AK4: variants seen among roughly 807,000 people sequenced by gnomAD.
AK4 encodes the protein adenylate kinase 4.
Under a neutral mutation model 24.6 loss-of-function variants are expected in AK4, and 13 were observed. That is an observed-to-expected ratio of 0.53 (90% CI 0.34 to 0.84). The LOEUF is 0.84. AK4 is among the 40% of genes least tolerant of loss of function. The pLI is 0.01. For synonymous variants in AK4, 88 were observed against 107.0 expected (o/e 0.82, Z 1.10); for missense variants, 192 against 288.2 (o/e 0.67, Z 2.42).
intron 1 of AK4, among the ~76,000 whole-genome samples, chr1:65,173,862 C>CA (rs11429425): frequency 0.35 from 48,667 of 140,632 alleles, 8,147 homozygotes; most frequent in East Asian, 0.53. Flanking sequence ...GACCCTGTCT[C>CA]AAAAAAAAAA....
intron 4 of AK4, among the ~76,000 whole-genome samples, chr1:65,225,617 A>G (rs1220739986): frequency 1.3e-5 from 2 of 152,208 alleles, no homozygotes; most frequent in East Asian, 3.8e-4. Flanking sequence ...CTCTGTTACA[A>G]TCACTTTCTG....
intron 1 of AK4, among the ~76,000 whole-genome samples, chr1:65,170,174 A>G (rs576454158): frequency 6.6e-6 from 1 of 152,240 alleles, no homozygotes; most frequent in East Asian, 1.9e-4. Context: ...CAGGAGATTG[A>G]GACCACGGTG....
Position 65,190,778 on chromosome 1 carries a change from C to T in AK4, c.214C>T (p.Leu72=). The change falls in exon 2 of 5, where the codon CTA becomes TTA. Residue 72 remains leucine, a synonymous_variant. Transcript: ENST00000327299. ...GGTTCCAGACCATGTGATCACACGC[C>T]TAATGATGTCCGAGTTGGAGAACAG... ...LLVPDHVITR[L]MMSELENRRG... is the part of the protein sequence containing the mutation. 6.2e-7 allele frequency: 1 copy of T among 1,614,104 alleles called. No homozygotes were observed. Among genetic ancestry groups the T allele is most frequent in the Non-Finnish European group, 8.5e-7 (1 of 1,180,014 alleles).
At chr1:65,202,231 A>G (rs1651681960) in intron 2 of AK4, among the ~76,000 whole-genome samples, 1 of 151,686 alleles carries the variant, frequency 6.6e-6, no homozygotes, top group South Asian at 2.1e-4. Flanking sequence ...CCCCACCTCT[A>G]CTAAAAATAC....
At chr1:65,190,259 T>C (rs1348354498) in intron 1 of AK4, among the ~76,000 whole-genome samples, 1 of 149,888 alleles carries the variant, frequency 6.7e-6, no homozygotes, top group Admixed American at 6.6e-5. Context: ...TTTCTTTCTT[T>C]CTTTTTTTTT....
intron 1 of AK4, among the ~76,000 whole-genome samples, chr1:65,168,872 G>A (rs1650418641): frequency 6.6e-6 from 1 of 152,156 alleles, no homozygotes; most frequent in South Asian, 2.1e-4. Flanking sequence ...TGGTAGCATG[G>A]TGGAAATAAC....
chr1:65,187,776 G>C (rs1201133184), intron 1 of AK4, among the ~76,000 whole-genome samples: 1 of 152,202 alleles, frequency 6.6e-6, no homozygotes, highest in Non-Finnish European at 1.5e-5. Context: ...ATATCTGTAA[G>C]CTGGAACTTT....
chr1:65,193,427 A>G (rs1301470958), intron 2 of AK4, among the ~76,000 whole-genome samples: 1 of 152,184 alleles, frequency 6.6e-6, no homozygotes, highest in Non-Finnish European at 1.5e-5. Context: ...GTCTTGATTG[A>G]TAGCACCTGG....
chr1:65,212,613 C>T (rs1447509667), intron 2 of AK4, among the ~76,000 whole-genome samples: 3 of 152,142 alleles, frequency 2.0e-5, no homozygotes, highest in African/African-American at 7.2e-5. Context: ...CTCAGCCTCC[C>T]AAGTAGCTGG....
chr1:65,212,501 T>A (rs1278653800), intron 2 of AK4, among the ~76,000 whole-genome samples: 1 of 152,066 alleles, frequency 6.6e-6, no homozygotes, highest in Admixed American at 6.6e-5. Flanking sequence ...TATTTTATTT[T>A]ATTTTGAGAC....
rs1451626934 is a variant in AK4 at position 65,227,094 on chromosome 1, T to G, written c.*917T>G. On this transcript the variant is annotated 3_prime_UTR_variant, in exon 5 of 5. Transcript: ENST00000327299. Reference sequence around the variant, plus strand: ...TCCTCAAAAAGCATGGGAAGTTAAGTATTTAGCTACATAAATGTTGTAAGA... The same window carrying G: ...TCCTCAAAAAGCATGGGAAGTTAAGGATTTAGCTACATAAATGTTGTAAGA... 1 of 143,500 alleles carries G rather than the reference T, an allele frequency of 7.0e-6. No homozygotes were observed. Among genetic ancestry groups the G allele is most frequent in the Non-Finnish European group, 1.5e-5 (1 of 66,342 alleles). The allele number at this position is 143,500 out of a possible 1,614,324, so 8.9% of individuals were successfully genotyped here. A position where few individuals can be genotyped will look rare whatever the true frequency, so the allele number is the denominator to read the frequency against.
intron 1 of AK4, chr1:65,154,331 TA>T (rs1649900229): frequency 3.1e-6 from 1 of 322,814 alleles, no homozygotes; most frequent in Non-Finnish European, 6.4e-6. Flanking sequence ...GTGAATGTGC[TA>T]TAGGGTTGAA....
At chr1:65,149,497 C>T (rs1649695459) in intron 1 of AK4, among the ~76,000 whole-genome samples, 1 of 152,212 alleles carries the variant, frequency 6.6e-6, no homozygotes, top group Non-Finnish European at 1.5e-5. Flanking sequence ...TAATTAGCAA[C>T]TCCTTTATGA....
At position 65,152,362 on chromosome 1, in the gene AK4, A is replaced by ATCTC. The variant is rs1329529213; in HGVS notation, c.145+3811_145+3812insCTCT. 4.4e-3 allele frequency among the ~76,000 whole-genome samples: 137 copies of ATCTC among 30,794 alleles called. 1 individual carries two copies. Among genetic ancestry groups the ATCTC allele is most frequent in the Middle Eastern group, 0.031 (1 of 32 alleles). The allele number at this position is 30,794 out of a possible 152,430, so 20.2% of individuals were successfully genotyped here. On this transcript the variant is annotated intron_variant, in intron 1 of 4. Transcript: ENST00000327299. ...TCTCTCTCTCTCTCTCTCTCTCTCT[A>ATCTC]TATATATATATATATATATATATTT... is the stretch of plus-strand genomic sequence containing the variant.
intron 2 of AK4, among the ~76,000 whole-genome samples, chr1:65,197,415 G>A (rs960358806): frequency 6.6e-6 from 1 of 152,190 alleles, no homozygotes; most frequent in African/African-American, 2.4e-5. Context: ...TTTTGGAATT[G>A]TAAATGAAAT....
At chr1:65,170,394 A>G (rs549972397) in intron 1 of AK4, among the ~76,000 whole-genome samples, 1 of 152,184 alleles carries the variant, frequency 6.6e-6, no homozygotes, top group South Asian at 2.1e-4. Flanking sequence ...ACACAAAAAA[A>G]ATCAGTTTTA....
At chr1:65,218,636 T>C (rs1343692085) in intron 2 of AK4, 118 bp from the exon 3 acceptor site, 1 of 967,502 alleles carries the variant, frequency 1.0e-6, no homozygotes, top group Non-Finnish European at 1.4e-6. Flanking sequence ...ACCCAGATAG[T>C]GTAAAGCTCC....
chr1:65,223,628 T>TG (rs1467929071), intron 3 of AK4, among the ~76,000 whole-genome samples: 91 of 152,038 alleles, frequency 6.0e-4, no homozygotes, highest in Non-Finnish European at 2.8e-4. Context: ...CATGAGATTT[T>TG]GGGGGGGAAT....
chr1:65,208,572 C>T (rs1305440658), intron 2 of AK4, among the ~76,000 whole-genome samples: 4 of 152,116 alleles, frequency 2.6e-5, no homozygotes, highest in Admixed American at 1.3e-4. Context: ...ATGGGCGGTC[C>T]GAAGCAACTA....
Sources: allele counts gnomAD v4.1 joint callset (sites outside exome capture counted in the v4.1 genomes callset), GRCh38; gene constraint gnomAD v4.1.1; transcripts MANE v1.5; gene names NCBI Gene and HGNC (gene_info 2026-07-23, HGNC 2026-07-21).